The following E2F8 variants were observed in gnomAD, a reference collection of about 807,000 sequenced individuals.
E2F8 encodes E2F transcription factor 8, also known as transcription factor E2F8.
E2F8 carries 35 observed loss-of-function variants against 80.8 expected under a neutral mutation model. The ratio of observed to expected loss-of-function variants is 0.43; its 90% CI spans 0.33 to 0.57. The LOEUF is 0.57. E2F8 is among the 20% of genes least tolerant of loss of function. The probability of loss-of-function intolerance (pLI) is 0.04; values close to 1 mark genes in which losing one functional copy is unlikely to be tolerated. For missense variants in E2F8, 975 were observed against 1,056.2 expected, an observed-to-expected ratio of 0.92 and a Z score of 1.07; for synonymous variants, 386 against 395.0, an observed-to-expected ratio of 0.98 and a Z score of 0.27.
In E2F8 at chr11:19,229,406, T is replaced by G; in HGVS notation, c.1893+48A>C. 6.5e-7 allele frequency: 1 copy of G among 1,549,334 alleles called. No individual in the cohort carries two copies. ...TCACAAGCCACCAATCTTCCTGTAA[T>G]AGACTAGGGAATTCCTAAAGCTTTG... On this transcript the variant is annotated intron_variant, in intron 10 of 12. Transcript: ENST00000250024. The surrounding 1 kb of genome is among the most constrained non-coding windows in gnomAD (Gnocchi z 4.3).
In E2F8 at chr11:19,234,991, G is replaced by C. The variant is rs201925488; in HGVS notation, c.519C>G (p.Leu173=). The change falls in exon 5 of 13, where the codon CTC becomes CTG. Residue 173 remains leucine, a synonymous_variant. Transcript: ENST00000250024. The part of the protein sequence containing the change: ...VLESLHMVSR[L]AKNRYTWHGR... ...CGTGCCAAGTGTACCTGTTTTTGGC[G>C]AGGCGGCTCACCATATGTAAACTCT... 3.0e-5 allele frequency: 48 copies of C among 1,614,194 alleles called. No homozygotes were observed. In the South Asian group the frequency reaches 5.2e-4, roughly 17 times the overall value.
intron 6 of E2F8, among the ~76,000 whole-genome samples, chr11:19,233,714 T>C (rs929544653): frequency 6.6e-6 from 1 of 152,048 alleles, no homozygotes; most frequent in Non-Finnish European, 1.5e-5. Flanking sequence ...GGTCTGGATC[T>C]CCTGACCTCA....
chr11:19,229,541 T>A lies in E2F8; in HGVS notation c.1806A>T (p.Arg602Ser). Residue 602 changes from arginine to serine, a missense_variant, in exon 10 of 13, where the codon AGA becomes AGT. Coordinates refer to ENST00000250024, the MANE Select transcript of E2F8 (RefSeq NM_024680.4). The surrounding 1 kb of genome is among the most constrained non-coding windows in gnomAD (Gnocchi z 4.3). Reference protein sequence around the residue: ...KSRTREPAGERGSKRASMLED... With the variant: ...KSRTREPAGESGSKRASMLED... ...CGAGCATGCTTGCCCTCTTTGAGCC[T>A]CTTTCTCCAGCTGGCTCCCTGGTTC... is the stretch of plus-strand genomic sequence containing the variant. 6.2e-7 allele frequency: 1 copy of A among 1,614,266 alleles called. No homozygotes were observed. The highest frequency in any genetic ancestry group is 8.5e-7 in the Non-Finnish European group (1 of 1,180,046).
upstream of E2F8, among the ~76,000 whole-genome samples, chr11:19,241,213 G>T (rs1465577147): frequency 6.6e-6 from 1 of 152,126 alleles, no homozygotes; most frequent in Non-Finnish European, 1.5e-5. This position sits in a 1 kb window ranked among gnomAD's most constrained non-coding sequence, Gnocchi z 4.5. Context: ...GCAAACCCGC[G>T]CCCGGAACCA....
chr11:19,230,637 T>C lies in E2F8; in HGVS notation c.1264A>G (p.Asn422Asp). ...GACATTCCTGAAAACATACCTTTGTTGGTCTTGATAGGGCTACTGGGCGCA... is the reference window on the plus strand; with the variant it reads ...GACATTCCTGAAAACATACCTTTGTCGGTCTTGATAGGGCTACTGGGCGCA... ...NSAPSSPIKT[N>D]KAESSQNSAP... The change falls in exon 8 of 13, where the codon AAC (asparagine) becomes GAC (aspartate). Residue 422 changes from asparagine (N) to aspartate (D), a missense_variant. By Grantham distance (23) the Asn-to-Asp change is conservative. Transcript: ENST00000250024. 6.2e-7 allele frequency: 1 copy of C among 1,614,020 alleles called. No individual in the cohort carries two copies.
rs535247090 is a variant in E2F8, at chr11:19,230,772, T to A, written c.1129A>T (p.Asn377Tyr). The A allele has an allele frequency of 6.2e-7, 1 of 1,614,136 alleles. No individual in the cohort carries two copies. Among genetic ancestry groups the A allele is most frequent in the South Asian group, 1.1e-5 (1 of 91,078 alleles). The change falls in exon 8 of 13, where the codon AAC (asparagine) becomes TAC (tyrosine). Residue 377 changes from asparagine to tyrosine, a missense_variant. Transcript: ENST00000250024. ...DLEVRRSSKE[N>Y]CAKNLFSTRG... is the part of the protein sequence containing the mutation. ...GTGGAAAAGAGGTTTTTGGCACAGTTCTCTTTTGAAGACCGTCTCACCTCC... is the reference window on the plus strand; with the variant it reads ...GTGGAAAAGAGGTTTTTGGCACAGTACTCTTTTGAAGACCGTCTCACCTCC...
intron 2 of E2F8, among the ~76,000 whole-genome samples, chr11:19,239,183 T>C (rs1325806413): frequency 6.6e-6 from 1 of 152,220 alleles, no homozygotes; most frequent in Non-Finnish European, 1.5e-5. Context: ...CGTTTGTATG[T>C]TCATGGAATC....
rs140830602 is a variant in E2F8 at position 19,226,088 on chromosome 11, A to G, written c.1894-224T>C. ...ATGCAGAACATGTTTCTTAAATGCCACCTGTGGTCTTAGGACACCTTTGGA... is the reference window on the plus strand; with the variant it reads ...ATGCAGAACATGTTTCTTAAATGCCGCCTGTGGTCTTAGGACACCTTTGGA... On this transcript the variant is annotated intron_variant, in intron 10 of 12. Coordinates refer to ENST00000250024, the MANE Select transcript of E2F8 (RefSeq NM_024680.4). The G allele has an allele frequency of 5.6e-6, 3 of 536,690 alleles. No individual in the cohort carries two copies. In the East Asian group the frequency reaches 9.1e-5, roughly 16 times the overall value. The allele number at this position is 536,690 out of a possible 1,614,324, so 33.2% of individuals were successfully genotyped here.
chr11:19,230,656 G>C lies in E2F8; in HGVS notation c.1245C>G (p.Pro415=). 1 of 1,614,118 alleles carries C rather than the reference G, an allele frequency of 6.2e-7. No homozygotes were observed. The highest frequency in any genetic ancestry group is 8.5e-7 in the Non-Finnish European group (1 of 1,180,028). Residue 415 remains proline, a synonymous_variant, in exon 8 of 13, where the codon CCC becomes CCG. Transcript: ENST00000250024. ...CTTTGTTGGTCTTGATAGGGCTACT[G>C]GGCGCAGAATTTATCTTTCTCCGAT... ...ESDRRKINSA[P]SSPIKTNKAE... is the part of the protein sequence containing the mutation.
chr11:19,230,742 C>A lies in E2F8; in HGVS notation c.1159G>T (p.Gly387Trp). 2 of 1,614,058 alleles carry A rather than the reference C, an allele frequency of 1.2e-6. No homozygotes were observed. The highest frequency in any genetic ancestry group is 8.5e-7 in the Non-Finnish European group (1 of 1,179,972). The change falls in exon 8 of 13, where the codon GGG (glycine) becomes TGG (tryptophan). Residue 387 changes from glycine to tryptophan, a missense_variant. By Grantham distance (184) the Gly-to-Trp change is radical. Coordinates refer to ENST00000250024, the MANE Select transcript of E2F8 (RefSeq NM_024680.4). ...NCAKNLFSTR[G>W]KPNFTRHPSL... ...GGGTGTCGAGTAAAGTTTGGTTTCC[C>A]ACGTGTGGAAAAGAGGTTTTTGGCA...
intron 8 of E2F8, 61 bp from the exon 9 acceptor site, chr11:19,230,389 T>C: frequency 6.6e-7 from 1 of 1,525,730 alleles, no homozygotes; most frequent in African/African-American, 1.4e-5. Flanking sequence ...TTCACACAGA[T>C]GAAACCTCAC....
chr11:19,235,644 G>A (rs140371838), intron 4 of E2F8, among the ~76,000 whole-genome samples: 16,359 of 145,144 alleles, frequency 0.11, 1,378 homozygotes, highest in African/African-American at 0.25. Flanking sequence ...GCGAGACTCC[G>A]TCTCAAAAAC....
rs752843481 is a variant in E2F8, at chr11:19,230,695, C to G, written c.1206G>C (p.Lys402Asn). Reference protein sequence around the residue: ...TRHPSLIKLVKSIESDRRKIN... With the variant: ...TRHPSLIKLVNSIESDRRKIN... ...TCTTTCTCCGATCACTTTCTATACT[C>G]TTTACCAATTTGATAAGAGATGGGT... The change falls in exon 8 of 13, where the codon AAG becomes AAC. Residue 402 changes from lysine (K) to asparagine (N), a missense_variant. Coordinates refer to ENST00000250024, the MANE Select transcript of E2F8 (RefSeq NM_024680.4). The G allele has an allele frequency of 3.7e-6, 6 of 1,614,156 alleles. No homozygotes were observed. In the East Asian group the frequency reaches 1.3e-4, roughly 36 times the overall value.
Position 19,230,990 on chromosome 11 carries a change from A to G in E2F8, c.1067-156T>C, listed in dbSNP as rs147570667. Among the ~76,000 whole-genome samples the G allele has an allele frequency of 8.1e-3, 1,236 of 152,340 alleles. 7 individuals carry two copies. The highest frequency in any genetic ancestry group is 0.012 in the Non-Finnish European group (834 of 68,026). ...GGGCTTTACAGAGAAAGCCTTGTTT[A>G]TCTTATTAAATGGATTCTGAGACAC... On this transcript the variant is annotated intron_variant, in intron 7 of 12. Coordinates refer to ENST00000250024, the MANE Select transcript of E2F8 (RefSeq NM_024680.4).
chr11:19,240,090 C>T lies in E2F8; in HGVS notation c.15+17G>A, dbSNP rs371667636. The T allele has an allele frequency of 3.9e-6, 6 of 1,520,228 alleles. No individual in the cohort carries two copies. Among genetic ancestry groups the T allele is most frequent in the South Asian group, 1.3e-5 (1 of 77,676 alleles). 94.2% of individuals were successfully genotyped at this position (1,520,228 alleles called of 1,614,324 possible). A position where few individuals can be genotyped will look rare whatever the true frequency, so the allele number is the denominator to read the frequency against. ...GAATTTAAAATTGCAATGATGAATA[C>T]TGAAGTTATAAAGTACCTTTTCGTT... On this transcript the variant is annotated intron_variant, in intron 2 of 12. Coordinates refer to ENST00000250024, the MANE Select transcript of E2F8 (RefSeq NM_024680.4).
intron 2 of E2F8, 92 bp downstream of exon 2, chr11:19,240,015 G>A (rs1045491986): frequency 1.9e-6 from 2 of 1,072,148 alleles, no homozygotes; most frequent in African/African-American, 3.3e-5. Context: ...GTGGCATTAA[G>A]AAAACACATT....
chr11:19,227,152 T>A (rs1007158574), intron 10 of E2F8, among the ~76,000 whole-genome samples: 1 of 152,228 alleles, frequency 6.6e-6, no homozygotes, highest in African/African-American at 2.4e-5. Context: ...CTTCTCTCCA[T>A]TGTCAAAACA....
chr11:19,230,377 T>C (rs1590124769), intron 8 of E2F8, 49 bp from the exon 9 acceptor site: 1 of 1,566,934 alleles, frequency 6.4e-7, no homozygotes, highest in Non-Finnish European at 8.7e-7. Flanking sequence ...AAAGAACAAA[T>C]GTTCACACAG....
At position 19,240,175 on chromosome 11, in the gene E2F8, C is replaced by A; in HGVS notation, c.-54G>T. On this transcript the variant is annotated 5_prime_UTR_variant, in exon 2 of 13. Transcript: ENST00000250024. ...TAAAAATGAAAAATCTGGAGTTCCTCCCCAAATCCCGATGGTTCAAGTAGT... is the reference window on the plus strand; with the variant it reads ...TAAAAATGAAAAATCTGGAGTTCCTACCCAAATCCCGATGGTTCAAGTAGT... The A allele has an allele frequency of 7.7e-7, 1 of 1,302,340 alleles. No individual in the cohort carries two copies. The highest frequency in any genetic ancestry group is 1.6e-5 in the South Asian group (1 of 61,458). The allele number at this position is 1,302,340 out of a possible 1,614,324, so 80.7% of individuals were successfully genotyped here.
Sources: gnomAD v4.1 joint callset for allele counts (sites outside exome capture counted in the v4.1 genomes callset) on GRCh38, gnomAD v4.1.1 for gene constraint, Gnocchi (gnomAD v3.1) non-coding constraint, MANE v1.5 for transcripts, NCBI Gene and HGNC (gene_info 2026-07-23, HGNC 2026-07-21) for gene names.